UVRAG: variants seen among roughly 807,000 people sequenced by gnomAD.
UVRAG encodes the protein UV radiation resistance associated.
In UVRAG, 19 loss-of-function variants were observed where a neutral mutation model predicts 78.0. The ratio of observed to expected loss-of-function variants is 0.24; its 90% confidence interval spans 0.17 to 0.36. The LOEUF is 0.36. UVRAG is among the 10% of genes least tolerant of loss of function. The probability of loss-of-function intolerance (pLI) is 1.00; values close to 1 mark genes in which losing one functional copy is unlikely to be tolerated. For synonymous variants in UVRAG, 323 were observed against 324.6 expected (o/e 1.00, Z 0.05); for missense variants, 740 against 853.8 (o/e 0.87, Z 1.66).
In UVRAG at chr11:76,140,633, T is replaced by C; in HGVS notation, c.1398-78T>C. 4 of 1,374,858 alleles carry C rather than the reference T, an allele frequency of 2.9e-6. No individual in the cohort carries two copies. The East Asian group carries it at 6.9e-5, about 24-fold the overall frequency. The allele number at this position is 1,374,858 out of a possible 1,614,324, so 85.2% of individuals were successfully genotyped here. A position where few individuals can be genotyped will look rare whatever the true frequency, so the allele number is the denominator to read the frequency against. On this transcript the variant is annotated intron_variant, in intron 14 of 14. Transcript: ENST00000356136. ...TATTAGCTCAGACCTAAGTATGCTG[T>C]TCCCTGTCTCTGGATCCAGAAGGCT... is the stretch of plus-strand genomic sequence containing the variant.
intron 6 of UVRAG, among the ~76,000 whole-genome samples, chr11:75,951,365 A>AT (rs200501949): frequency 1.3e-4 from 18 of 141,572 alleles, no homozygotes; most frequent in African/African-American, 4.7e-4. Flanking sequence ...GTGTGTATAT[A>AT]TTTTTTGTTT....
At chr11:76,032,391 A>G (rs752503851) in intron 12 of UVRAG, among the ~76,000 whole-genome samples, 13 of 152,220 alleles carry the variant, frequency 8.5e-5, no homozygotes, top group Non-Finnish European at 1.5e-4. Context: ...TTAGTTTTTA[A>G]TAGTTGCTTT....
chr11:75,950,766 A>G (rs1334212766), intron 6 of UVRAG, among the ~76,000 whole-genome samples: 2 of 152,142 alleles, frequency 1.3e-5, no homozygotes, highest in East Asian at 3.9e-4. Context: ...GTAGTGTATC[A>G]TTTTGATTTT....
rs745806017 is a variant in UVRAG at position 76,140,799 on chromosome 11, A to T, written c.1486A>T (p.Ile496Phe). Residue 496 changes from isoleucine to phenylalanine, a missense_variant, in exon 15 of 15, where the codon ATC becomes TTC. By Grantham distance (21) the Ile-to-Phe change is conservative. Transcript: ENST00000356136. ...TGCAGATGTAGGCTTCTCTGGGGGG[A>T]TCCCTTCACCAGACAAAGGACATCG... is the stretch of plus-strand genomic sequence containing the variant. ...GGADVGFSGG[I>F]PSPDKGHRKR... 2.4e-5 allele frequency: 39 copies of T among 1,613,876 alleles called. No individual in the cohort carries two copies. Among genetic ancestry groups the T allele is most frequent in the Non-Finnish European group, 3.3e-5 (39 of 1,180,014 alleles).
At chr11:75,944,350 G>C (rs1226979435) in intron 6 of UVRAG, among the ~76,000 whole-genome samples, 2 of 152,136 alleles carry the variant, frequency 1.3e-5, no homozygotes. Context: ...TCAATAATGT[G>C]TTTGATAAGG....
chr11:75,821,752 T>C (rs1323535429), intron 1 of UVRAG, among the ~76,000 whole-genome samples: 1 of 152,144 alleles, frequency 6.6e-6, no homozygotes. Flanking sequence ...CCTCAGACTT[T>C]CCTTGTTTTT....
intron 6 of UVRAG, among the ~76,000 whole-genome samples, chr11:75,920,036 TTTTTTTTG>T (rs1947945297): frequency 4.9e-5 from 6 of 123,554 alleles, no homozygotes; most frequent in African/African-American, 1.5e-4. Context: ...TTTTTTTTTT[TTTTTTTTG>T]GGACGAAGTC....
chr11:76,138,546 G>A (rs1422149388), intron 14 of UVRAG, among the ~76,000 whole-genome samples: 3 of 152,222 alleles, frequency 2.0e-5, no homozygotes, highest in Non-Finnish European at 4.4e-5. Context: ...TGTTCCTCTT[G>A]TGCGGCAAGC....
chr11:76,020,613 A>G (rs1002201781), intron 12 of UVRAG, among the ~76,000 whole-genome samples: 1 of 151,020 alleles, frequency 6.6e-6, no homozygotes, highest in African/African-American at 2.4e-5. Context: ...ATGCAAGACA[A>G]AGTCTCCCTT....
At chr11:75,857,767 C>T (rs1164842584) in intron 2 of UVRAG, among the ~76,000 whole-genome samples, 2 of 151,594 alleles carry the variant, frequency 1.3e-5, no homozygotes, top group Admixed American at 6.6e-5. Context: ...GGATTACAGG[C>T]CTGAGCCACT....
intron 12 of UVRAG, among the ~76,000 whole-genome samples, chr11:76,051,161 T>C (rs1950858997): frequency 6.6e-6 from 1 of 152,228 alleles, no homozygotes; most frequent in Non-Finnish European, 1.5e-5. Flanking sequence ...AAGTGGTGAA[T>C]AGGTTTTCTT....
intron 13 of UVRAG, among the ~76,000 whole-genome samples, chr11:76,102,099 T>C (rs1473996180): frequency 1.3e-5 from 2 of 152,216 alleles, no homozygotes; most frequent in Non-Finnish European, 1.5e-5. Context: ...TAAAGTAGTT[T>C]TTTCTAGTTC....
intron 7 of UVRAG, among the ~76,000 whole-genome samples, chr11:75,980,717 C>A (rs60131297): frequency 3.4e-5 from 5 of 146,938 alleles, no homozygotes; most frequent in Non-Finnish European, 5.9e-5. Context: ...GTTTCACTCT[C>A]GTTGCCCAGG....
At chr11:76,010,156 G>A (rs1045868704) in intron 11 of UVRAG, among the ~76,000 whole-genome samples, 5 of 152,118 alleles carry the variant, frequency 3.3e-5, no homozygotes, top group South Asian at 2.1e-4. Context: ...AGCCCATGGC[G>A]CATCATTTTC....
At position 75,906,902 on chromosome 11, in the gene UVRAG, C is replaced by T. The variant is rs1022522042; in HGVS notation, c.508-5052C>T. Among the ~76,000 whole-genome samples the T allele has an allele frequency of 2.6e-5, 4 of 152,286 alleles. No homozygotes were observed. In the South Asian group the frequency reaches 8.3e-4, roughly 32 times the overall value. On this transcript the variant is annotated intron_variant, in intron 5 of 14. Coordinates refer to ENST00000356136, the MANE Select transcript of UVRAG (RefSeq NM_003369.4). Reference sequence around the variant, plus strand: ...TTATATGTCTGTCCTTATGCCAGTGCTATCCTGTTTTGACTATTGTTGCTT... The same window carrying T: ...TTATATGTCTGTCCTTATGCCAGTGTTATCCTGTTTTGACTATTGTTGCTT...
chr11:75,988,143 A>G (rs1949537210), intron 8 of UVRAG, among the ~76,000 whole-genome samples: 2 of 152,210 alleles, frequency 1.3e-5, no homozygotes, highest in African/African-American at 4.8e-5. Context: ...TATATTTTAC[A>G]ATCAAATTAA....
At chr11:76,056,117 CCT>C (rs552725174) in intron 12 of UVRAG, among the ~76,000 whole-genome samples, 254 of 152,280 alleles carry the variant, frequency 1.7e-3, no homozygotes, top group African/African-American at 5.9e-3. Context: ...CTGAAACTTC[CCT>C]CTCTCTTTTT....
intron 1 of UVRAG, among the ~76,000 whole-genome samples, chr11:75,841,397 C>T (rs60547110): frequency 0.026 from 3,966 of 152,122 alleles, 201 homozygotes; most frequent in African/African-American, 0.091. Flanking sequence ...TGTAGACAGA[C>T]AGGGTGTGCA....
chr11:75,830,007 G>A (rs1277498658), intron 1 of UVRAG, among the ~76,000 whole-genome samples: 1 of 149,532 alleles, frequency 6.7e-6, no homozygotes. Context: ...GCCTGGCTAA[G>A]TTTTGTATTT....
Sources: gnomAD v4.1 joint callset for allele counts (sites outside exome capture counted in the v4.1 genomes callset) on GRCh38, gnomAD v4.1.1 for gene constraint, MANE v1.5 for transcripts, NCBI Gene and HGNC (gene_info 2026-07-23, HGNC 2026-07-21) for gene names.